The following LDLRAD1 variants were observed in gnomAD, a reference collection of about 807,000 sequenced individuals.
LDLRAD1 encodes the protein low-density lipoprotein receptor class A domain-containing protein 1.
A neutral mutation model predicts 24.8 loss-of-function variants in LDLRAD1; 17 were observed. That is an observed-to-expected ratio of 0.69 (90% confidence interval 0.47 to 1.03). LDLRAD1 has a LOEUF of 1.03. LDLRAD1 is among the 50% of genes least tolerant of loss of function. LDLRAD1 has a pLI of 0.00. For synonymous variants in LDLRAD1, 103 were observed against 108.2 expected (o/e 0.95, Z 0.30); for missense variants, 277 against 271.0 (o/e 1.02, Z -0.16).
In LDLRAD1 at chr1:54,009,064, T is replaced by A; in HGVS notation, c.536A>T (p.Asp179Val). ...RCPSTFFKYC[D>V]CIPRHLCRDH... ...GCGGCAGAGATGCCTCGGTATACAGTCGCAGTACTTGAAGAAGGTTGAAGG... is the reference window on the plus strand; with the variant it reads ...GCGGCAGAGATGCCTCGGTATACAGACGCAGTACTTGAAGAAGGTTGAAGG... Residue 179 changes from aspartate (D) to valine (V), a missense_variant, in exon 6 of 6, where the codon GAC becomes GTC. Transcript: ENST00000371360. 1 of 1,613,934 alleles carries A rather than the reference T, an allele frequency of 6.2e-7. No homozygotes were observed.
At chr1:54,009,921 T>C (rs772934797) in intron 5 of LDLRAD1, among the ~76,000 whole-genome samples, 13 of 152,168 alleles carry the variant, frequency 8.5e-5, no homozygotes, top group Non-Finnish European at 1.6e-4. Flanking sequence ...TTGGGGCCAG[T>C]GATTCCTGCC....
chr1:54,008,926 T>C lies in LDLRAD1; in HGVS notation c.*56A>G. ...TGTGCGCTAGGATTTGATTTTCATG[T>C]GAAGGGTTATCAGTGCCATTCCAGC... On this transcript the variant is annotated 3_prime_UTR_variant, in exon 6 of 6. Coordinates refer to ENST00000371360, the MANE Select transcript of LDLRAD1 (RefSeq NM_001010978.4). 6.5e-7 allele frequency: 1 copy of C among 1,533,698 alleles called. No homozygotes were observed. Among genetic ancestry groups the C allele is most frequent in the Non-Finnish European group, 8.9e-7 (1 of 1,126,570 alleles).
Sources: allele counts gnomAD v4.1 joint callset (sites outside exome capture counted in the v4.1 genomes callset), GRCh38; gene constraint gnomAD v4.1.1; transcripts MANE v1.5; gene names NCBI Gene and HGNC (gene_info 2026-07-23, HGNC 2026-07-21).